CYTH3: variants seen among roughly 807,000 people sequenced by gnomAD.
CYTH3 encodes the protein cytohesin-3.
CYTH3 carries 23 observed loss-of-function variants against 55.1 expected under a neutral mutation model. The ratio of observed to expected loss-of-function variants is 0.42; its 90% CI spans 0.30 to 0.59. CYTH3 has a LOEUF of 0.59. CYTH3 is among the 20% of genes least tolerant of loss of function. The pLI, the probability that CYTH3 is intolerant of heterozygous loss-of-function variation, is 0.20. For missense variants in CYTH3, 413 were observed against 524.8 expected, an observed-to-expected ratio of 0.79 and a Z score of 2.08; for synonymous variants, 249 against 194.9, an observed-to-expected ratio of 1.28 and a Z score of -2.31.
chr7:6,258,312 CA>C (rs1203222006), intron 1 of CYTH3, among the ~76,000 whole-genome samples: 111 of 122,872 alleles, frequency 9.0e-4, no homozygotes, highest in South Asian at 1.0e-3. Flanking sequence ...GACACAGTCT[CA>C]AAAAAAAAAA....
At chr7:6,234,044 A>G (rs919935100) in intron 1 of CYTH3, among the ~76,000 whole-genome samples, 1 of 152,236 alleles carries the variant, frequency 6.6e-6, no homozygotes, top group Non-Finnish European at 1.5e-5. Context: ...CCCACCTCCT[A>G]GTACCATCAC....
intron 4 of CYTH3, among the ~76,000 whole-genome samples, chr7:6,186,841 C>G (rs116073970): frequency 1.3e-5 from 2 of 152,214 alleles, no homozygotes; most frequent in Non-Finnish European, 2.9e-5. Context: ...GAAAGAAAGG[C>G]CTTTCTGCCC....
intron 1 of CYTH3, among the ~76,000 whole-genome samples, chr7:6,272,138 G>A (rs1043659076): frequency 1.3e-5 from 2 of 152,154 alleles, no homozygotes; most frequent in African/African-American, 2.4e-5. Context: ...GACAAGATGC[G>A]GGGAAGGTCG....
At chr7:6,185,356 T>G (rs1220938667) in intron 4 of CYTH3, among the ~76,000 whole-genome samples, 1 of 150,978 alleles carries the variant, frequency 6.6e-6, no homozygotes, top group Non-Finnish European at 1.5e-5. Context: ...GAGGCTGAGG[T>G]GGGCAGATCA....
intron 1 of CYTH3, among the ~76,000 whole-genome samples, chr7:6,212,953 T>C (rs1784354522): frequency 6.6e-6 from 1 of 152,226 alleles, no homozygotes; most frequent in Non-Finnish European, 1.5e-5. Context: ...GTGCACAAGG[T>C]TTCCAATTTT....
intron 1 of CYTH3, among the ~76,000 whole-genome samples, chr7:6,270,406 T>G (rs558549786): frequency 6.6e-6 from 1 of 152,258 alleles, no homozygotes; most frequent in Non-Finnish European, 1.5e-5. Context: ...AAATAAATCT[T>G]CATTGTTGAA....
chr7:6,173,858 T>A (rs1339251014), intron 5 of CYTH3, 125 bp from the exon 6 acceptor site: 4 of 670,730 alleles, frequency 6.0e-6, no homozygotes, highest in Non-Finnish European at 5.4e-6. Flanking sequence ...CATGCTTTTT[T>A]AAAACATTTG....
chr7:6,230,688 T>A (rs1481544850), intron 1 of CYTH3, among the ~76,000 whole-genome samples: 1 of 151,970 alleles, frequency 6.6e-6, no homozygotes, highest in Non-Finnish European at 1.5e-5. Context: ...ATGAGAAGGA[T>A]CCAATGCAGC....
At chr7:6,221,126 C>T (rs945959292) in intron 1 of CYTH3, among the ~76,000 whole-genome samples, 2 of 152,078 alleles carry the variant, frequency 1.3e-5, no homozygotes, top group African/African-American at 4.8e-5. Flanking sequence ...CAACTTTACT[C>T]GTAATATCCT....
chr7:6,224,548 A>G (rs919215777), intron 1 of CYTH3, among the ~76,000 whole-genome samples: 2 of 152,220 alleles, frequency 1.3e-5, no homozygotes, highest in Non-Finnish European at 2.9e-5. Flanking sequence ...GCTATACTTT[A>G]AAAAACATAC....
chr7:6,257,762 G>C (rs1246949116), intron 1 of CYTH3, among the ~76,000 whole-genome samples: 1 of 152,160 alleles, frequency 6.6e-6, no homozygotes, highest in African/African-American at 2.4e-5. Flanking sequence ...TATCACACCA[G>C]ATGCCTTGAG....
intron 1 of CYTH3, among the ~76,000 whole-genome samples, chr7:6,219,633 C>T (rs763603704): frequency 3.3e-5 from 5 of 152,112 alleles, no homozygotes; most frequent in East Asian, 1.9e-4. Context: ...GAAACAGAAC[C>T]GCACAGGTAA....
chr7:6,208,316 A>AT (rs1562388292), intron 1 of CYTH3, among the ~76,000 whole-genome samples: 2 of 152,208 alleles, frequency 1.3e-5, no homozygotes, highest in African/African-American at 4.8e-5. Context: ...TTTTGGACTC[A>AT]TATATAAACA....
At position 6,170,443 on chromosome 7, in the gene CYTH3, G is replaced by C. The variant is rs910400700; in HGVS notation, c.823+92C>G. On this transcript the variant is annotated intron_variant, in intron 9 of 12. Coordinates refer to ENST00000350796, the MANE Select transcript of CYTH3 (RefSeq NM_004227.4). The surrounding 1 kb of genome is among the most constrained non-coding windows in gnomAD (Gnocchi z 7.8). ...TTTTAACGTCTCTGCCTGCGGTGGG[G>C]GGCATTCCTACGATGAGCCTGGGAG... 8.6e-7 allele frequency: 1 copy of C among 1,164,698 alleles called. No homozygotes were observed. The highest frequency in any genetic ancestry group is 2.4e-5 in the East Asian group (1 of 41,494). 72.1% of individuals were successfully genotyped at this position (1,164,698 alleles called of 1,614,324 possible).
intron 1 of CYTH3, among the ~76,000 whole-genome samples, chr7:6,213,897 T>G (rs1784374104): frequency 6.6e-6 from 1 of 152,164 alleles, no homozygotes; most frequent in South Asian, 2.1e-4. Context: ...GAAGTTTCAG[T>G]GCTTCTCAGC....
In CYTH3 at chr7:6,162,710, C is replaced by T. The variant is rs1007238152; in HGVS notation, c.*2234G>A. The T allele has an allele frequency of 6.6e-6, 1 of 152,288 alleles. No individual in the cohort carries two copies. Among genetic ancestry groups the T allele is most frequent in the African/African-American group, 2.4e-5 (1 of 41,466 alleles). The allele number at this position is 152,288 out of a possible 1,614,324, so 9.4% of individuals were successfully genotyped here. A position where few individuals can be genotyped will look rare whatever the true frequency, so the allele number is the denominator to read the frequency against. ...CTCTGCATGGCTCCCAGGTGCCCAC[C>T]ACCTGGCGAAGCTCATTCACAGATG... is the stretch of plus-strand genomic sequence containing the variant. On this transcript the variant is annotated 3_prime_UTR_variant, in exon 13 of 13. Transcript: ENST00000350796.
intron 1 of CYTH3, among the ~76,000 whole-genome samples, chr7:6,229,866 T>A (rs1048006617): frequency 7.4e-5 from 11 of 148,142 alleles, no homozygotes; most frequent in African/African-American, 2.7e-4. Context: ...CTGGGCTGGG[T>A]GGCTCATGCC....
chr7:6,187,059 A>G lies in CYTH3; in HGVS notation c.240T>C (p.Asp80=), dbSNP rs778130796. ...IAMGRKKFNM[D]PKKGIQFLIE... is the part of the protein sequence containing the mutation. ...GAGAGCATTCTCTTACCTTTTTGGG[A>G]TCCATGTTGAATTTCTTTCTTCCCA... Residue 80 remains aspartate, a synonymous_variant, in exon 4 of 13, where the codon GAT becomes GAC. Coordinates refer to ENST00000350796, the MANE Select transcript of CYTH3 (RefSeq NM_004227.4). 17 of 1,613,892 alleles carry G rather than the reference A, an allele frequency of 1.1e-5. No individual in the cohort carries two copies. The East Asian group carries it at 2.2e-4, about 21-fold the overall frequency.
At chr7:6,166,651 G>C (rs1783019177) in intron 9 of CYTH3, among the ~76,000 whole-genome samples, 1 of 152,182 alleles carries the variant, frequency 6.6e-6, no homozygotes, top group Non-Finnish European at 1.5e-5. Context: ...GGCTTTCCCT[G>C]TTGGGGCCTG....
Sources: gnomAD v4.1 joint callset for allele counts (sites outside exome capture counted in the v4.1 genomes callset) on GRCh38, gnomAD v4.1.1 for gene constraint, Gnocchi (gnomAD v3.1) non-coding constraint, MANE v1.5 for transcripts, NCBI Gene and HGNC (gene_info 2026-07-23, HGNC 2026-07-21) for gene names.